Variants in RNF122 observed in about 807,000 individuals in gnomAD.
The protein encoded by RNF122 is ring finger protein 122.
In RNF122, 17 loss-of-function variants were observed where a neutral mutation model predicts 24.2. The observed-to-expected ratio is 0.70, with a 90% confidence interval of 0.48 to 1.06. The LOEUF is 1.06. Ranked by LOEUF, RNF122 falls within the 50% of genes least tolerant of loss-of-function variation. RNF122 has a pLI of 0.00. For missense variants in RNF122, 168 were observed against 198.1 expected (o/e 0.85, Z 0.91); for synonymous variants, 65 against 71.8 (o/e 0.91, Z 0.48).
chr8:33,556,179 CAAAAAAAAA>C (rs538829399), intron 2 of RNF122, among the ~76,000 whole-genome samples: 694 of 33,998 alleles, frequency 0.02, 13 homozygotes, highest in African/African-American at 0.061. Context: ...GACCCTGTCT[CAAAAAAAAA>C]AAAAAAAAAA....
chr8:33,558,869 G>A, intron 1 of RNF122, 98 bp from the exon 2 acceptor site: 1 of 926,886 alleles, frequency 1.1e-6, no homozygotes, highest in Non-Finnish European at 1.5e-6. Flanking sequence ...CAGGCTCTGG[G>A]CACCTAAGCC....
intron 1 of RNF122, among the ~76,000 whole-genome samples, chr8:33,562,726 C>A (rs1810557181): frequency 1.3e-5 from 2 of 151,876 alleles, no homozygotes; most frequent in South Asian, 4.2e-4. Context: ...GAGTTCAAGA[C>A]CAACCTGGCT....
At chr8:33,555,236 C>A (rs2128839288) in intron 2 of RNF122, among the ~76,000 whole-genome samples, 1 of 152,026 alleles carries the variant, frequency 6.6e-6, no homozygotes, top group South Asian at 2.1e-4. Context: ...GAGTTTCACT[C>A]TTGTTGCCCA....
In RNF122 at chr8:33,563,906, A is replaced by G. The variant is rs558407757; in HGVS notation, c.25+2793T>C. 7.9e-5 allele frequency among the ~76,000 whole-genome samples: 12 copies of G among 152,246 alleles called. No individual in the cohort carries two copies. In the South Asian group the frequency reaches 2.3e-3, roughly 29 times the overall value. On this transcript the variant is annotated intron_variant, in intron 1 of 5. Transcript: ENST00000256257. ...CTCCACAAGCACGATGGTCCCCGCA[A>G]GTCCTCTGATCAGTTTATCCCCACC...
intron 2 of RNF122, among the ~76,000 whole-genome samples, chr8:33,558,299 C>A (rs1376654804): frequency 6.6e-6 from 1 of 152,160 alleles, no homozygotes; most frequent in African/African-American, 2.4e-5. Context: ...GACAGACAGA[C>A]AAGGAAGGGA....
chr8:33,553,364 G>A (rs1174894214), intron 2 of RNF122, among the ~76,000 whole-genome samples: 3 of 152,122 alleles, frequency 2.0e-5, no homozygotes, highest in African/African-American at 4.8e-5. Flanking sequence ...TTTGAGACCA[G>A]CCTGGGTGAC....
chr8:33,549,501 A>G lies in RNF122; in HGVS notation c.271-9T>C. The G allele has an allele frequency of 6.2e-7, 1 of 1,609,674 alleles. No homozygotes were observed. The highest frequency in any genetic ancestry group is 8.5e-7 in the Non-Finnish European group (1 of 1,175,978). ...CAGACTGCGCAGGTCTGCTGCAGAG[A>G]GAAAAGAGCAGGTGTGTGAGGAACT... On this transcript the variant is annotated splice_polypyrimidine_tract_variant and intron_variant, in intron 4 of 5. Coordinates refer to ENST00000256257, the MANE Select transcript of RNF122 (RefSeq NM_024787.3).
At chr8:33,559,024 C>T (rs1034153573) in intron 1 of RNF122, among the ~76,000 whole-genome samples, 31 of 152,156 alleles carry the variant, frequency 2.0e-4, no homozygotes, top group African/African-American at 7.5e-4. Flanking sequence ...TTCAGGCAAG[C>T]TGGGTGTGGT....
intron 2 of RNF122, among the ~76,000 whole-genome samples, chr8:33,554,522 T>G (rs1810421855): frequency 6.6e-6 from 1 of 152,074 alleles, no homozygotes; most frequent in Non-Finnish European, 1.5e-5. Context: ...TGCATACAGA[T>G]TTCAGCTCAG....
At chr8:33,556,699 G>C (rs1295272085) in intron 2 of RNF122, among the ~76,000 whole-genome samples, 1 of 152,164 alleles carries the variant, frequency 6.6e-6, no homozygotes, top group African/African-American at 2.4e-5. Flanking sequence ...AGGAAGAGAG[G>C]AGAGATACCA....
chr8:33,550,254 G>T (rs1810354621), intron 4 of RNF122, among the ~76,000 whole-genome samples: 1 of 152,102 alleles, frequency 6.6e-6, no homozygotes, highest in Non-Finnish European at 1.5e-5. Context: ...TTTAAATCCA[G>T]ACTTCCCACA....
At chr8:33,550,413 CCAGA>C (rs1326902310) in intron 4 of RNF122, among the ~76,000 whole-genome samples, 3 of 152,184 alleles carry the variant, frequency 2.0e-5, no homozygotes, top group African/African-American at 7.2e-5. Context: ...CGCTCTGCTC[CCAGA>C]CAACCACAAA....
chr8:33,551,209 G>A (rs1810369759), intron 3 of RNF122, 124 bp from the exon 4 acceptor site: 9 of 1,464,204 alleles, frequency 6.1e-6, no homozygotes, highest in Non-Finnish European at 7.7e-6. Flanking sequence ...AGACACTGAA[G>A]GGGTTTAGCC....
At chr8:33,553,833 G>A (rs1211497009) in intron 2 of RNF122, among the ~76,000 whole-genome samples, 1 of 152,166 alleles carries the variant, frequency 6.6e-6, no homozygotes, top group Non-Finnish European at 1.5e-5. Flanking sequence ...GTGTCCTGGC[G>A]AGGTTCATGT....
At chr8:33,550,971 G>A (rs923835956) in intron 4 of RNF122, 73 bp downstream of exon 4, 1 of 1,452,840 alleles carries the variant, frequency 6.9e-7, no homozygotes, top group African/African-American at 1.4e-5. Flanking sequence ...AAGCGTCCAG[G>A]CAGAGAACTG....
rs1810636335 is a variant in RNF122, at chr8:33,566,945, C to T, written c.-222G>A. 5.2e-6 allele frequency: 3 copies of T among 580,914 alleles called. No individual in the cohort carries two copies. Among genetic ancestry groups the T allele is most frequent in the Non-Finnish European group, 9.3e-6 (3 of 324,174 alleles). 36.0% of individuals were successfully genotyped at this position (580,914 alleles called of 1,614,324 possible). ...CGAGGAGGAAACAAACAAAGTCCCG[C>T]GGAGCACAGCCGCACGGAGCGCACG... On this transcript the variant is annotated 5_prime_UTR_variant, in exon 1 of 6. Transcript: ENST00000256257.
intron 1 of RNF122, among the ~76,000 whole-genome samples, chr8:33,562,360 AC>A (rs1401068566): frequency 6.6e-6 from 1 of 150,670 alleles, no homozygotes. Context: ...ACATAGTAAG[AC>A]CCCCACCTCT....
intron 5 of RNF122, among the ~76,000 whole-genome samples, chr8:33,549,154 G>A (rs1810333212): frequency 6.6e-6 from 1 of 150,844 alleles, no homozygotes; most frequent in Non-Finnish European, 1.5e-5. Flanking sequence ...CTGGGAGGCA[G>A]AGGTTGCAGT....
chr8:33,566,909 A>G lies in RNF122; in HGVS notation c.-186T>C, dbSNP rs1422506839. 3 of 647,286 alleles carry G rather than the reference A, an allele frequency of 4.6e-6. No homozygotes were observed. The highest frequency in any genetic ancestry group is 8.3e-6 in the Non-Finnish European group (3 of 362,606). The allele number at this position is 647,286 out of a possible 1,614,324, so 40.1% of individuals were successfully genotyped here. On this transcript the variant is annotated 5_prime_UTR_variant, in exon 1 of 6. Coordinates refer to ENST00000256257, the MANE Select transcript of RNF122 (RefSeq NM_024787.3). ...TTTGACGAGGCTGGTGTTCAGCCCA[A>G]CAAAGAGGGACGAGGAGGAAACAAA... is the stretch of plus-strand genomic sequence containing the variant.
Sources: allele counts gnomAD v4.1 joint callset (sites outside exome capture counted in the v4.1 genomes callset), GRCh38; gene constraint gnomAD v4.1.1; transcripts MANE v1.5; gene names NCBI Gene and HGNC (gene_info 2026-07-23, HGNC 2026-07-21).